PTPRG: variants seen among roughly 807,000 people sequenced by gnomAD.
PTPRG encodes the protein protein tyrosine phosphatase receptor type G.
Under a neutral mutation model 165.3 loss-of-function variants are expected in PTPRG, and 102 were observed. That is an observed-to-expected ratio of 0.62 (90% CI 0.53 to 0.73). The LOEUF (loss-of-function observed/expected upper bound fraction) is 0.73, where lower values mean the gene tolerates loss of function less well. Among genes scored for constraint, PTPRG ranks in the 30% least tolerant of loss-of-function variants. The pLI is 0.00. For synonymous variants in PTPRG, 675 were observed against 669.5 expected, an observed-to-expected ratio of 1.01 and a Z score of -0.13; for missense variants, 1,866 against 1,861.4, an observed-to-expected ratio of 1.00 and a Z score of -0.05.
chr3:61,803,969 C>T (rs188221351), intron 2 of PTPRG, among the ~76,000 whole-genome samples: 33 of 152,206 alleles, frequency 2.2e-4, no homozygotes, highest in Non-Finnish European at 3.5e-4. Context: ...ATTTATGGTT[C>T]AGAGGGATAT....
chr3:61,811,938 C>T (rs532755548), intron 2 of PTPRG, among the ~76,000 whole-genome samples: 50 of 152,268 alleles, frequency 3.3e-4, no homozygotes, highest in African/African-American at 1.1e-3. Context: ...TTGAGCTCTG[C>T]GCTTTCTCTC....
chr3:61,711,893 CT>C (rs34377397), intron 1 of PTPRG, among the ~76,000 whole-genome samples: 6,160 of 135,894 alleles, frequency 0.045, 117 homozygotes, highest in Non-Finnish European at 0.067. Flanking sequence ...TTATTATAGT[CT>C]TTTTTTTTTT....
chr3:61,763,515 GCTA>G (rs1474629195), intron 2 of PTPRG, among the ~76,000 whole-genome samples: 1 of 133,660 alleles, frequency 7.5e-6, no homozygotes, highest in Non-Finnish European at 1.6e-5. Flanking sequence ...ACAGACTCCT[GCTA>G]CCACGCCCAG....
At position 62,158,149 on chromosome 3, in the gene PTPRG, A is replaced by G. The variant is rs74892963; in HGVS notation, c.840+925A>G. 2.7e-3 allele frequency among the ~76,000 whole-genome samples: 404 copies of G among 152,320 alleles called. 1 individual carries two copies. The highest frequency in any genetic ancestry group is 9.0e-3 in the African/African-American group (374 of 41,574). ...GGGTAGGAACTGATGAACTGGAGAT[A>G]GAATTGAGGCAGTGTCAGAGGAAGG... is the stretch of plus-strand genomic sequence containing the variant. On this transcript the variant is annotated intron_variant, in intron 7 of 29. Coordinates refer to ENST00000474889, the MANE Select transcript of PTPRG (RefSeq NM_002841.4).
At position 62,017,767 on chromosome 3, in the gene PTPRG, C is replaced by T. The variant is rs972655125; in HGVS notation, c.519+14270C>T. ...AGGTCTGTTCTTCCAGAGTGTAGCTCTTATATTAACAACCATTACATCCAC... is the reference window on the plus strand; with the variant it reads ...AGGTCTGTTCTTCCAGAGTGTAGCTTTTATATTAACAACCATTACATCCAC... On this transcript the variant is annotated intron_variant, in intron 4 of 29. Transcript: ENST00000474889. 9.9e-4 allele frequency among the ~76,000 whole-genome samples: 151 copies of T among 152,258 alleles called. 1 individual carries two copies. The highest frequency in any genetic ancestry group is 3.5e-3 in the African/African-American group (144 of 41,532).
intron 8 of PTPRG, 76 bp from the exon 9 acceptor site, chr3:62,191,393 C>T (rs147062631): frequency 1.4e-6 from 2 of 1,401,030 alleles, no homozygotes; most frequent in African/African-American, 2.9e-5. Context: ...CTTTTTGAGG[C>T]TGCAGTCCTT....
At chr3:62,172,885 C>G (rs543244290) in intron 8 of PTPRG, among the ~76,000 whole-genome samples, 1 of 152,290 alleles carries the variant, frequency 6.6e-6, no homozygotes, top group South Asian at 2.1e-4. Context: ...ATTCATCGGG[C>G]TGTTGTCACA....
rs180851782 is a variant in PTPRG, at chr3:62,132,646, G to A, written c.660G>A (p.Gly220=). ...DNSALDPIIH[G]LKGVVHHEKE... ...CTGCACTGGATCCTATTATCCACGGGTTGAAGGGTGTCGTACATCATGGTA... is the reference window on the plus strand; with the variant it reads ...CTGCACTGGATCCTATTATCCACGGATTGAAGGGTGTCGTACATCATGGTA... Residue 220 remains glycine (G), a synonymous_variant, in exon 6 of 30, where the codon GGG becomes GGA. Coordinates refer to ENST00000474889, the MANE Select transcript of PTPRG (RefSeq NM_002841.4). 3 of 1,611,970 alleles carry A rather than the reference G, an allele frequency of 1.9e-6. No individual in the cohort carries two copies. The highest frequency in any genetic ancestry group is 2.5e-6 in the Non-Finnish European group (3 of 1,178,134).
At chr3:62,046,425 G>A (rs1264773943) in intron 4 of PTPRG, among the ~76,000 whole-genome samples, 1 of 152,062 alleles carries the variant, frequency 6.6e-6, no homozygotes, top group African/African-American at 2.4e-5. Flanking sequence ...GTATATAATG[G>A]AGGAATAACA....
chr3:61,724,992 G>A (rs1575611867), intron 1 of PTPRG, among the ~76,000 whole-genome samples: 1 of 152,102 alleles, frequency 6.6e-6, no homozygotes, highest in East Asian at 1.9e-4. Flanking sequence ...AAATCGAATT[G>A]ATTGATTTCT....
At chr3:62,282,630 C>T in intron 27 of PTPRG, 97 bp from the exon 28 acceptor site, 1 of 1,248,450 alleles carries the variant, frequency 8.0e-7, no homozygotes, top group East Asian at 2.5e-5. Flanking sequence ...TGAGAGTTAC[C>T]TATAACACAT....
intron 4 of PTPRG, among the ~76,000 whole-genome samples, chr3:62,004,819 G>T (rs375538745): frequency 2.2e-4 from 33 of 152,270 alleles, no homozygotes; most frequent in East Asian, 1.4e-3. Context: ...TCAACTGTTA[G>T]AATTTCATAG....
intron 2 of PTPRG, among the ~76,000 whole-genome samples, chr3:61,848,626 C>A (rs1260396604): frequency 6.6e-6 from 1 of 152,086 alleles, no homozygotes; most frequent in African/African-American, 2.4e-5. Context: ...ATTCATTATG[C>A]GTTTTGTTAA....
chr3:61,849,783 C>T (rs552730019), intron 2 of PTPRG, among the ~76,000 whole-genome samples: 39 of 152,304 alleles, frequency 2.6e-4, no homozygotes, highest in Middle Eastern at 3.4e-3. Flanking sequence ...TCCGGAAGGA[C>T]TGGGGTGCTT....
chr3:62,049,126 A>AAACAT (rs1290994961), intron 4 of PTPRG, among the ~76,000 whole-genome samples: 2 of 152,112 alleles, frequency 1.3e-5, no homozygotes, highest in Non-Finnish European at 2.9e-5. Flanking sequence ...AAAACAAAAA[A>AAACAT]AAAAACAGAA....
intron 2 of PTPRG, among the ~76,000 whole-genome samples, chr3:61,988,173 A>T (rs187671846): frequency 2.6e-5 from 4 of 152,226 alleles, no homozygotes; most frequent in Admixed American, 2.6e-4. Context: ...ACTCTTTGGG[A>T]TGAGGATTAG....
chr3:61,675,636 A>C (rs1703193848), intron 1 of PTPRG, among the ~76,000 whole-genome samples: 2 of 152,140 alleles, frequency 1.3e-5, no homozygotes, highest in Admixed American at 6.5e-5. Flanking sequence ...TCTGCCATTT[A>C]GTAGAATATC....
intron 1 of PTPRG, among the ~76,000 whole-genome samples, chr3:61,726,812 C>T (rs2032276737): frequency 6.6e-6 from 1 of 152,178 alleles, no homozygotes; most frequent in Non-Finnish European, 1.5e-5. Flanking sequence ...CTTTGGGAGG[C>T]CGAGGCGGGC....
intron 8 of PTPRG, among the ~76,000 whole-genome samples, chr3:62,182,553 C>G (rs1045160871): frequency 1.3e-5 from 2 of 152,202 alleles, no homozygotes; most frequent in African/African-American, 4.8e-5. Context: ...GCTGTCATCT[C>G]CAGGGGGTCA....
Sources: gnomAD v4.1 joint callset for allele counts (sites outside exome capture counted in the v4.1 genomes callset) on GRCh38, gnomAD v4.1.1 for gene constraint, MANE v1.5 for transcripts, NCBI Gene and HGNC (gene_info 2026-07-23, HGNC 2026-07-21) for gene names.